CDKN2AIPNL: variants seen among roughly 807,000 people sequenced by gnomAD.
The protein encoded by CDKN2AIPNL is XRN2 binding domain containing 1.
Under a neutral mutation model 12.9 loss-of-function variants are expected in CDKN2AIPNL, and 9 were observed. That is an observed-to-expected ratio of 0.70 (90% CI 0.42 to 1.22). CDKN2AIPNL has a LOEUF of 1.22. Among genes scored for constraint, CDKN2AIPNL ranks in the 50% most tolerant of loss-of-function variants. The pLI, the probability that CDKN2AIPNL is intolerant of heterozygous loss-of-function variation, is 0.00. For synonymous variants in CDKN2AIPNL, 53 were observed against 61.7 expected, an observed-to-expected ratio of 0.86 and a Z score of 0.66; for missense variants, 143 against 153.6, an observed-to-expected ratio of 0.93 and a Z score of 0.37.
In CDKN2AIPNL at chr5:134,411,706, T is replaced by G. The variant is rs752505995; in HGVS notation, c.149A>C (p.Asp50Ala). The change falls in exon 1 of 3, where the codon GAC (aspartate) becomes GCC (alanine). Residue 50 changes from aspartate to alanine, a missense_variant. Asp to Ala is a moderately radical substitution (Grantham distance 126). Coordinates refer to ENST00000458198, the MANE Select transcript of CDKN2AIPNL (RefSeq NM_080656.3). ...RMEFILRHLP[D>A]YRDPPDGSGR... ...ACTGCCGTCGGGCGGGTCGCGGTAG[T>G]CGGGCAGGTGGCGCAGGATGAATTC... The G allele has an allele frequency of 1.9e-6, 3 of 1,613,182 alleles. No homozygotes were observed. Among genetic ancestry groups the G allele is most frequent in the East Asian group, 4.5e-5 (2 of 44,852 alleles).
chr5:134,407,874 G>C (rs757036951), intron 2 of CDKN2AIPNL, among the ~76,000 whole-genome samples: 4 of 151,984 alleles, frequency 2.6e-5, no homozygotes, highest in Non-Finnish European at 5.9e-5. Flanking sequence ...AGTGGCTCAC[G>C]CCTGTAATCC....
At chr5:134,408,252 A>T (rs898176291) in intron 2 of CDKN2AIPNL, among the ~76,000 whole-genome samples, 7 of 152,094 alleles carry the variant, frequency 4.6e-5, no homozygotes, top group African/African-American at 1.4e-4. Flanking sequence ...GGGCCCCAAG[A>T]ACCTTACTAT....
intron 2 of CDKN2AIPNL, among the ~76,000 whole-genome samples, chr5:134,404,185 A>G (rs1380077800): frequency 6.6e-6 from 1 of 152,216 alleles, no homozygotes; most frequent in African/African-American, 2.4e-5. Context: ...CATAAGCTCC[A>G]GATAAGACTG....
intron 2 of CDKN2AIPNL, 49 bp downstream of exon 2, chr5:134,409,854 C>A (rs1759163670): frequency 8.4e-7 from 1 of 1,197,528 alleles, no homozygotes; most frequent in Non-Finnish European, 1.2e-6. Flanking sequence ...AAGGCAGGGA[C>A]TGTTAACTCT....
chr5:134,411,400 C>A (rs559388193), intron 1 of CDKN2AIPNL, among the ~76,000 whole-genome samples: 1 of 152,324 alleles, frequency 6.6e-6, no homozygotes, highest in Non-Finnish European at 1.5e-5. Context: ...GCCATCATAA[C>A]CACCCTTTTA....
At position 134,411,870 on chromosome 5, in the gene CDKN2AIPNL, C is replaced by T. The variant is rs1447592910; in HGVS notation, c.-16G>A. The T allele has an allele frequency of 6.4e-7, 1 of 1,553,868 alleles. No individual in the cohort carries two copies. The highest frequency in any genetic ancestry group is 1.2e-5 in the South Asian group (1 of 84,838). ...CACCGACCATGGTGCCCGCCGCAGC[C>T]GAGGACCGGATAGCCCGCCGCCTTC... On this transcript the variant is annotated 5_prime_UTR_variant, in exon 1 of 3. Coordinates refer to ENST00000458198, the MANE Select transcript of CDKN2AIPNL (RefSeq NM_080656.3).
chr5:134,405,263 G>A (rs1171528081), intron 2 of CDKN2AIPNL, among the ~76,000 whole-genome samples: 4 of 150,868 alleles, frequency 2.7e-5, no homozygotes, highest in Non-Finnish European at 4.4e-5. Flanking sequence ...CCGCCACCGC[G>A]CCCGGCTAAT....
chr5:134,409,576 A>G (rs890524711), intron 2 of CDKN2AIPNL, among the ~76,000 whole-genome samples: 1 of 151,152 alleles, frequency 6.6e-6, no homozygotes, highest in African/African-American at 2.5e-5. Context: ...AGTCTTACCA[A>G]TGAGATTTTT....
chr5:134,411,107 T>C, intron 1 of CDKN2AIPNL: 1 of 702,544 alleles, frequency 1.4e-6, no homozygotes, highest in South Asian at 1.5e-5. Context: ...GAAAAAGCCA[T>C]AGGATACAGA....
At position 134,411,765 on chromosome 5, in the gene CDKN2AIPNL, G is replaced by A. The variant is rs376522536; in HGVS notation, c.90C>T (p.Tyr30=). 1.5e-5 allele frequency: 24 copies of A among 1,611,432 alleles called. No individual in the cohort carries two copies. The highest frequency in any genetic ancestry group is 1.9e-5 in the Non-Finnish European group (22 of 1,179,366). The change falls in exon 1 of 3, where the codon TAC becomes TAT. Residue 30 remains tyrosine (Y), a synonymous_variant. Transcript: ENST00000458198. ...CCTTCCATTGCTTCTCGCTCTCTGA[G>A]TAGGAGCGGAACTGCTCCGCGAAGT... ...AADFAEQFRS[Y]SESEKQWKAR...
In CDKN2AIPNL at chr5:134,411,608, G is replaced by T; in HGVS notation, c.239+8C>A. ...GGACAGGATCAGCCGGCCGGCAGGG[G>T]TCCGCACCTGCAGCCTAGGAAGAGA... On this transcript the variant is annotated splice_region_variant and intron_variant, in intron 1 of 2. Transcript: ENST00000458198. The T allele has an allele frequency of 6.2e-7, 1 of 1,609,486 alleles. No individual in the cohort carries two copies. Among genetic ancestry groups the T allele is most frequent in the Middle Eastern group, 1.7e-4 (1 of 6,000 alleles).
intron 2 of CDKN2AIPNL, among the ~76,000 whole-genome samples, chr5:134,404,946 C>A (rs1019672375): frequency 2.0e-5 from 3 of 151,892 alleles, no homozygotes; most frequent in African/African-American, 4.8e-5. Context: ...CTACCACGCC[C>A]GGCTAATTTT....
At chr5:134,404,628 A>ATTTTTTTTTTTTT (rs113061543) in intron 2 of CDKN2AIPNL, among the ~76,000 whole-genome samples, 1 of 138,326 alleles carries the variant, frequency 7.2e-6, no homozygotes, top group Non-Finnish European at 1.6e-5. Flanking sequence ...GGCTAGGCTG[A>ATTTTTTTTTTTTT]TTTTTTTTTT....
rs1226029006 is a variant in CDKN2AIPNL, at chr5:134,407,947, A to G, written c.339+1956T>C. 3.9e-5 allele frequency among the ~76,000 whole-genome samples: 6 copies of G among 152,192 alleles called. No individual in the cohort carries two copies. The East Asian group carries it at 9.7e-4, about 25-fold the overall frequency. ...GGAGTTCAAGACCAGCCTGGACAAC[A>G]TGGCAAAACCCTTTCTCTACTAAAA... On this transcript the variant is annotated intron_variant, in intron 2 of 2. Transcript: ENST00000458198.
At chr5:134,411,219 G>C in intron 1 of CDKN2AIPNL, 2 of 652,842 alleles carry the variant, frequency 3.1e-6, no homozygotes, top group Non-Finnish European at 2.8e-6. Flanking sequence ...CTGTAAAATG[G>C]GGATCTCCGT....
intron 2 of CDKN2AIPNL, among the ~76,000 whole-genome samples, chr5:134,409,510 AAGCCAAAC>A (rs1759159253): frequency 6.6e-6 from 1 of 152,192 alleles, no homozygotes; most frequent in Non-Finnish European, 1.5e-5. Context: ...CAAATCACAG[AAGCCAAAC>A]AAGTCAGGTC....
intron 2 of CDKN2AIPNL, among the ~76,000 whole-genome samples, chr5:134,408,259 C>G (rs1358756615): frequency 3.3e-5 from 5 of 152,098 alleles, no homozygotes; most frequent in Non-Finnish European, 1.5e-5. Flanking sequence ...AAGAACCTTA[C>G]TATAGAACAC....
At chr5:134,403,881 C>T (rs1050025512) in intron 2 of CDKN2AIPNL, among the ~76,000 whole-genome samples, 1 of 152,224 alleles carries the variant, frequency 6.6e-6, no homozygotes, top group Non-Finnish European at 1.5e-5. Flanking sequence ...ACCTCGGCCT[C>T]CCAAAGTGCT....
intron 2 of CDKN2AIPNL, among the ~76,000 whole-genome samples, chr5:134,404,250 A>G (rs1354378666): frequency 2.6e-5 from 4 of 152,220 alleles, no homozygotes; most frequent in Admixed American, 2.0e-4. Context: ...GATAAAGAGT[A>G]AAAGACAAGT....
Sources: gnomAD v4.1 joint callset for allele counts (sites outside exome capture counted in the v4.1 genomes callset) on GRCh38, gnomAD v4.1.1 for gene constraint, MANE v1.5 for transcripts, NCBI Gene and HGNC (gene_info 2026-07-23, HGNC 2026-07-21) for gene names.